The following NKD1 variants were observed in gnomAD, a reference collection of about 807,000 sequenced individuals.
NKD1 encodes the protein protein naked cuticle homolog 1.
NKD1 carries 21 observed loss-of-function variants against 56.0 expected under a neutral mutation model. The observed-to-expected ratio is 0.38, with a 90% confidence interval of 0.27 to 0.54. The LOEUF (loss-of-function observed/expected upper bound fraction) is 0.54. Ranked by LOEUF, NKD1 falls within the 20% of genes least tolerant of loss-of-function variation. The pLI is 0.82. For missense variants in NKD1, 578 were observed against 642.7 expected (o/e 0.90, Z 1.09); for synonymous variants, 263 against 265.7 (o/e 0.99, Z 0.10).
intron 3 of NKD1, among the ~76,000 whole-genome samples, chr16:50,604,619 G>C (rs957806288): frequency 6.6e-6 from 1 of 152,208 alleles, no homozygotes; most frequent in African/African-American, 2.4e-5. Context: ...GGAGACTGAG[G>C]TGCACTAGAG....
intron 3 of NKD1, among the ~76,000 whole-genome samples, chr16:50,602,986 A>G (rs886862389): frequency 4.6e-5 from 7 of 152,208 alleles, no homozygotes; most frequent in Non-Finnish European, 1.0e-4. Flanking sequence ...CAGGGTGGAC[A>G]TTGAGGCACT....
chr16:50,636,348 G>A lies in NKD1; in HGVS notation c.*2567G>A, dbSNP rs1257784135. The A allele has an allele frequency of 6.6e-6, 1 of 152,162 alleles. No individual in the cohort carries two copies. Among genetic ancestry groups the A allele is most frequent in the African/African-American group, 2.4e-5 (1 of 41,442 alleles). The allele number at this position is 152,162 out of a possible 1,614,324, so 9.4% of individuals were successfully genotyped here. On this transcript the variant is annotated 3_prime_UTR_variant, in exon 10 of 10. Coordinates refer to ENST00000268459, the MANE Select transcript of NKD1 (RefSeq NM_033119.5). ...ACCTGTCAGGATTCTGTTACTTCTT[G>A]GTAACTGGGACTTGCCCAACTTTAA...
rs545940466 is a variant in NKD1, at chr16:50,574,308, G to A, written c.192+24753G>A. On this transcript the variant is annotated intron_variant, in intron 3 of 9. Coordinates refer to ENST00000268459, the MANE Select transcript of NKD1 (RefSeq NM_033119.5). ...TGGGGGCTAGGGATTGGAAATGTGG[G>A]TGTGAGTCAGAACTGGGGGCTGAGG... The A allele has an allele frequency of 6.3e-5, 62 of 985,398 alleles. No homozygotes were observed. In the African/African-American group the frequency reaches 1.0e-3, roughly 17 times the overall value. The allele number at this position is 985,398 out of a possible 1,614,324, so 61.0% of individuals were successfully genotyped here. A position where few individuals can be genotyped will look rare whatever the true frequency, so the allele number is the denominator to read the frequency against.
At chr16:50,564,015 C>T (rs1250097404) in intron 3 of NKD1, among the ~76,000 whole-genome samples, 2 of 152,260 alleles carry the variant, frequency 1.3e-5, no homozygotes, top group Non-Finnish European at 2.9e-5. Context: ...CCTCAGTGGG[C>T]AGGGAGGCGT....
At chr16:50,568,145 G>A (rs1290417398) in intron 3 of NKD1, among the ~76,000 whole-genome samples, 1 of 152,222 alleles carries the variant, frequency 6.6e-6, no homozygotes, top group Non-Finnish European at 1.5e-5. Flanking sequence ...AGTTGGGAGT[G>A]GGTGACATGA....
intron 4 of NKD1, among the ~76,000 whole-genome samples, chr16:50,616,392 A>G (rs1961960966): frequency 6.6e-6 from 1 of 152,226 alleles, no homozygotes; most frequent in Non-Finnish European, 1.5e-5. Context: ...GTGTTAAGAT[A>G]AGCTGGCATT....
chr16:50,550,475 G>A (rs923511415), intron 3 of NKD1, among the ~76,000 whole-genome samples: 3 of 152,008 alleles, frequency 2.0e-5, no homozygotes, highest in Admixed American at 6.6e-5. Flanking sequence ...TTTGTATTTG[G>A]GTGGTGGGAC....
At position 50,633,106 on chromosome 16, in the gene NKD1, C is replaced by A; in HGVS notation, c.824-86C>A. 7.8e-7 allele frequency: 1 copy of A among 1,277,030 alleles called. No individual in the cohort carries two copies. Among genetic ancestry groups the A allele is most frequent in the South Asian group, 1.6e-5 (1 of 60,810 alleles). The allele number at this position is 1,277,030 out of a possible 1,614,324, so 79.1% of individuals were successfully genotyped here. ...GGGGGGTAGCTCTGGTTTTGGAGAA[C>A]TGGGGGCGGGGGTGATGTCTGGGGT... is the stretch of plus-strand genomic sequence containing the variant. On this transcript the variant is annotated intron_variant, in intron 9 of 9. Coordinates refer to ENST00000268459, the MANE Select transcript of NKD1 (RefSeq NM_033119.5). This position sits in a 1 kb window ranked among gnomAD's most constrained non-coding sequence, Gnocchi z 4.9.
chr16:50,633,412 C>T lies in NKD1; in HGVS notation c.1044C>T (p.Ser348=). 2 of 1,613,354 alleles carry T rather than the reference C, an allele frequency of 1.2e-6. No homozygotes were observed. The highest frequency in any genetic ancestry group is 8.5e-7 in the Non-Finnish European group (1 of 1,179,634). The change falls in exon 10 of 10, where the codon TCC becomes TCT. Residue 348 remains serine (S), a synonymous_variant. Transcript: ENST00000268459. This position sits in a 1 kb window ranked among gnomAD's most constrained non-coding sequence, Gnocchi z 4.9. ...TQDGSKHFVR[S]PKAQGKSVGV... Reference sequence around the variant, plus strand: ...ACGGGAGCAAGCACTTTGTGAGGTCCCCCAAGGCCCAGGGCAAGAGTGTGG... The same window carrying T: ...ACGGGAGCAAGCACTTTGTGAGGTCTCCCAAGGCCCAGGGCAAGAGTGTGG...
intron 4 of NKD1, chr16:50,616,069 A>C (rs1164029998): frequency 2.2e-6 from 1 of 455,790 alleles, no homozygotes; most frequent in Admixed American, 2.3e-5. Context: ...AAGGTTGTGG[A>C]CTCAAACATC....
intron 3 of NKD1, among the ~76,000 whole-genome samples, chr16:50,587,511 C>A (rs1053878211): frequency 6.6e-6 from 1 of 152,214 alleles, no homozygotes; most frequent in Non-Finnish European, 1.5e-5. Context: ...AACTTTTGTT[C>A]TCTGGCTTCT....
At position 50,633,083 on chromosome 16, in the gene NKD1, G is replaced by T. The variant is rs1360593658; in HGVS notation, c.824-109G>T. 1.5e-4 allele frequency: 148 copies of T among 999,682 alleles called. No homozygotes were observed. The highest frequency in any genetic ancestry group is 2.0e-4 in the Non-Finnish European group (142 of 701,704). 61.9% of individuals were successfully genotyped at this position (999,682 alleles called of 1,614,324 possible). A position where few individuals can be genotyped will look rare whatever the true frequency, so the allele number is the denominator to read the frequency against. On this transcript the variant is annotated intron_variant, in intron 9 of 9. Transcript: ENST00000268459. This position sits in a 1 kb window ranked among gnomAD's most constrained non-coding sequence, Gnocchi z 4.9. ...CAGTGAGGGGCAGTCAGGGCATTGG[G>T]GGGTAGCTCTGGTTTTGGAGAACTG...
chr16:50,588,535 G>T (rs953058761), intron 3 of NKD1, among the ~76,000 whole-genome samples: 2 of 150,660 alleles, frequency 1.3e-5, no homozygotes, highest in Admixed American at 6.6e-5. Flanking sequence ...AGGCTGGGTT[G>T]AAATCCCAGT....
At position 50,639,880 on chromosome 16, in the gene NKD1, G is replaced by A. The variant is rs943360868; in HGVS notation, c.*6099G>A. 2.0e-5 allele frequency: 3 copies of A among 152,266 alleles called. No individual in the cohort carries two copies. Among genetic ancestry groups the A allele is most frequent in the African/African-American group, 7.2e-5 (3 of 41,460 alleles). 9.4% of individuals were successfully genotyped at this position (152,266 alleles called of 1,614,324 possible). ...TTAGGGAGATATGAATGTCTTTCTT[G>A]AAAACTTCTCTTCCCAGTCTTCCCA... is the stretch of plus-strand genomic sequence containing the variant. On this transcript the variant is annotated 3_prime_UTR_variant, in exon 10 of 10. Transcript: ENST00000268459.
chr16:50,634,336 A>T lies in NKD1; in HGVS notation c.*555A>T, dbSNP rs1200969172. 1.3e-5 allele frequency: 2 copies of T among 152,776 alleles called. No homozygotes were observed. The highest frequency in any genetic ancestry group is 4.8e-5 in the African/African-American group (2 of 41,446). 9.5% of individuals were successfully genotyped at this position (152,776 alleles called of 1,614,324 possible). On this transcript the variant is annotated 3_prime_UTR_variant, in exon 10 of 10. Transcript: ENST00000268459. ...TTTTATGTCCCAACCTAGAAACCTT[A>T]GCTGTCTTTTCTGGAGTTGTCTTTC... is the stretch of plus-strand genomic sequence containing the variant.
At chr16:50,567,118 T>C (rs1391761841) in intron 3 of NKD1, among the ~76,000 whole-genome samples, 1 of 152,292 alleles carries the variant, frequency 6.6e-6, no homozygotes, top group East Asian at 1.9e-4. Context: ...GACTTGGGTT[T>C]ATACTGAACC....
intron 3 of NKD1, among the ~76,000 whole-genome samples, chr16:50,580,662 G>A (rs138903550): frequency 4.6e-5 from 7 of 152,178 alleles, no homozygotes; most frequent in Admixed American, 1.3e-4. Flanking sequence ...TAAACAATTT[G>A]AGCCAACATT....
intron 7 of NKD1, 86 bp downstream of exon 7, chr16:50,630,419 C>T: frequency 1.4e-6 from 2 of 1,476,768 alleles, no homozygotes; most frequent in Non-Finnish European, 1.9e-6. Context: ...CGGAAGGGAA[C>T]CTGTGGGCTT....
At chr16:50,585,958 G>A (rs1961219880) in intron 3 of NKD1, among the ~76,000 whole-genome samples, 1 of 152,218 alleles carries the variant, frequency 6.6e-6, no homozygotes, top group Non-Finnish European at 1.5e-5. Context: ...TTCCTTGGAT[G>A]TGGTGCTTAC....
Sources: gnomAD v4.1 joint callset for allele counts (sites outside exome capture counted in the v4.1 genomes callset) on GRCh38, gnomAD v4.1.1 for gene constraint, Gnocchi (gnomAD v3.1) non-coding constraint, MANE v1.5 for transcripts, NCBI Gene and HGNC (gene_info 2026-07-23, HGNC 2026-07-21) for gene names.